The following SI variants were observed in gnomAD, a reference collection of about 807,000 sequenced individuals.
The protein encoded by SI is sucrase-isomaltase.
In SI, 235 loss-of-function variants were observed where a neutral mutation model predicts 253.3. That is an observed-to-expected ratio of 0.93 (90% CI 0.83 to 1.03). SI has a LOEUF of 1.03. Among genes scored for constraint, SI ranks in the 50% least tolerant of loss-of-function variants. SI has a pLI of 0.00. For synonymous variants in SI, 819 were observed against 712.0 expected, an observed-to-expected ratio of 1.15 and a Z score of -2.39; for missense variants, 2,442 against 2,211.1, an observed-to-expected ratio of 1.10 and a Z score of -2.09.
intron 6 of SI, 30 bp from the exon 7 acceptor site, chr3:165,065,462 C>A (rs1714194081): frequency 7.1e-6 from 3 of 422,422 alleles, no homozygotes; most frequent in Admixed American, 5.5e-5. Flanking sequence ...AAGAAATAAT[C>A]TAATATATAT....
chr3:165,004,881 G>A (rs1718427771), intron 37 of SI, among the ~76,000 whole-genome samples: 1 of 152,112 alleles, frequency 6.6e-6, no homozygotes, highest in African/African-American at 2.4e-5. Context: ...ATCAGGGATT[G>A]CAATCCCCAC....
the SI span, among the ~76,000 whole-genome samples, chr3:165,089,340 A>G: frequency 6.6e-6 from 1 of 152,098 alleles, no homozygotes; most frequent in African/African-American, 2.4e-5. Context: ...AGAAGACACG[A>G]CCCAAATGCC....
chr3:165,090,221 A>AAGTCTGC, the SI span, among the ~76,000 whole-genome samples: 1 of 151,928 alleles, frequency 6.6e-6, no homozygotes, highest in East Asian at 1.9e-4. Flanking sequence ...ATACAATCTG[A>AAGTCTGC]AGTCTGCAGT....
In SI at chr3:165,049,152, A is replaced by G. The variant is rs749747592; in HGVS notation, c.1690T>C (p.Tyr564His). Residue 564 changes from tyrosine to histidine, a missense_variant, in exon 15 of 48, where the codon TAC (tyrosine) becomes CAC (histidine). Physicochemically the swap from Tyr to His is moderately conservative, Grantham distance 83. Coordinates refer to ENST00000264382, the MANE Select transcript of SI (RefSeq NM_001041.4). ...TGCTCTGTGGCTATAGCCATGCTGT[A>G]TCCATAGAGGCTATGAACATCATAC... ...KQYDVHSLYG[Y>H]SMAIATEQAV... 1 of 1,601,262 alleles carries G rather than the reference A, an allele frequency of 6.2e-7. No homozygotes were observed. The highest frequency in any genetic ancestry group is 8.6e-7 in the Non-Finnish European group (1 of 1,168,532).
the SI span, among the ~76,000 whole-genome samples, chr3:165,089,086 T>C: frequency 1.2e-4 from 3 of 24,702 alleles, no homozygotes; most frequent in Non-Finnish European, 1.8e-4. Context: ...TTTTCTTTTT[T>C]CTTTTTTTTT....
At chr3:165,087,737 C>T in the SI span, among the ~76,000 whole-genome samples, 1 of 152,134 alleles carries the variant, frequency 6.6e-6, no homozygotes, top group East Asian at 1.9e-4. Flanking sequence ...ATTTTGCTAT[C>T]AGATTTATAT....
chr3:165,015,073 T>A, intron 33 of SI, 50 bp downstream of exon 33: 7 of 1,395,908 alleles, frequency 5.0e-6, no homozygotes, highest in Non-Finnish European at 7.1e-6. Flanking sequence ...GAAACTTTCA[T>A]TGAAATATAA....
intron 45 of SI, among the ~76,000 whole-genome samples, chr3:164,986,122 T>C (rs568191322): frequency 9.3e-4 from 142 of 152,262 alleles, no homozygotes; most frequent in African/African-American, 3.3e-3. Context: ...ACCTCCTTGT[T>C]GTAGAGGCAC....
intron 6 of SI, among the ~76,000 whole-genome samples, chr3:165,067,038 T>C (rs1714280452): frequency 6.6e-6 from 1 of 151,828 alleles, no homozygotes; most frequent in Non-Finnish European, 1.5e-5. Context: ...ATACGATAAA[T>C]ATAAGGGGGA....
At chr3:165,059,136 TA>T (rs2108248627) in intron 11 of SI, 31 bp downstream of exon 11, 2 of 1,611,552 alleles carry the variant, frequency 1.2e-6, no homozygotes, top group African/African-American at 1.3e-5. Flanking sequence ...GTGTAAACAC[TA>T]AAAATGTATT....
rs568954190 is a variant in SI, at chr3:165,048,831, G to A, written c.1715+296C>T. Among the ~76,000 whole-genome samples the A allele has an allele frequency of 9.2e-5, 14 of 151,938 alleles. No individual in the cohort carries two copies. In the East Asian group the frequency reaches 2.5e-3, roughly 27 times the overall value. ...TGGGTTTCGCCATGTTGGCCAGGCT[G>A]GTCTCAGACTCCTGACTTCAGGTGT... On this transcript the variant is annotated intron_variant, in intron 15 of 47. Transcript: ENST00000264382.
intron 16 of SI, among the ~76,000 whole-genome samples, chr3:165,045,780 GT>G (rs56082194): frequency 0.016 from 2,213 of 134,620 alleles, 47 homozygotes; most frequent in African/African-American, 0.051. Context: ...TTCTTAGGTT[GT>G]TTTTTTTTTT....
intron 3 of SI, among the ~76,000 whole-genome samples, chr3:165,074,006 T>TG (rs1483052326): frequency 2.0e-5 from 3 of 151,954 alleles, no homozygotes; most frequent in Non-Finnish European, 4.4e-5. Flanking sequence ...CACAGGTTTG[T>TG]GGGGAAAAAA....
At chr3:164,989,959 G>A (rs1717652527) in intron 44 of SI, among the ~76,000 whole-genome samples, 1 of 152,154 alleles carries the variant, frequency 6.6e-6, no homozygotes, top group East Asian at 1.9e-4. Context: ...AGGATGTTTA[G>A]GTCAGTAAAA....
Position 165,046,824 on chromosome 3 carries a change from C to T in SI, c.1887+17G>A. 1.3e-6 allele frequency: 2 copies of T among 1,594,530 alleles called. No homozygotes were observed. The highest frequency in any genetic ancestry group is 8.6e-7 in the Non-Finnish European group (1 of 1,162,748). On this transcript the variant is annotated intron_variant, in intron 16 of 47. Transcript: ENST00000264382. Reference sequence around the variant, plus strand: ...AATTGTAGCTTTTATGAGTAACACTCTATGAAACTGTCTTACCAAAGGTAT... The same window carrying T: ...AATTGTAGCTTTTATGAGTAACACTTTATGAAACTGTCTTACCAAAGGTAT...
intron 25 of SI, among the ~76,000 whole-genome samples, chr3:165,027,396 A>G (rs577579660): frequency 6.6e-6 from 1 of 151,372 alleles, no homozygotes; most frequent in South Asian, 2.1e-4. Flanking sequence ...ATTGGTACCA[A>G]TCTATTGACG....
At chr3:165,022,842 C>A (rs1032586630) in intron 26 of SI, among the ~76,000 whole-genome samples, 1 of 151,552 alleles carries the variant, frequency 6.6e-6, no homozygotes, top group Non-Finnish European at 1.5e-5. Flanking sequence ...TTAAAAGCAG[C>A]GACTGAGCTA....
Position 165,069,167 on chromosome 3 carries a change from C to T in SI, c.284G>A (p.Trp95Ter). The change falls in exon 4 of 48, where the codon TGG (tryptophan) becomes TAG (stop). Residue 95 changes from tryptophan (W) to a stop codon, truncating the protein, a stop_gained. Transcript: ENST00000264382. LOFTEE classifies it high-confidence loss of function. Reference sequence around the variant, plus strand: ...AATAAGAGAGTCATTCCACGGCCTCCAGCAGCAGCCTCTCTGTGCACAAAT... The same window carrying T: ...AATAAGAGAGTCATTCCACGGCCTCTAGCAGCAGCCTCTCTGTGCACAAAT... The part of the protein sequence containing the change: ...EGICAQRGCC[W>*]RPWNDSLIPW... 6.2e-7 allele frequency: 1 copy of T among 1,612,796 alleles called. No individual in the cohort carries two copies. Among genetic ancestry groups the T allele is most frequent in the Non-Finnish European group, 8.5e-7 (1 of 1,179,162 alleles).
At chr3:165,032,444 G>C (rs1489982586) in intron 24 of SI, 78 bp downstream of exon 24, 1 of 947,772 alleles carries the variant, frequency 1.1e-6, no homozygotes, top group Non-Finnish European at 1.6e-6. Flanking sequence ...GGAGAAATAG[G>C]ATAAGTGCCT....
Sources: allele counts gnomAD v4.1 joint callset (sites outside exome capture counted in the v4.1 genomes callset), GRCh38; gene constraint gnomAD v4.1.1; transcripts MANE v1.5; gene names NCBI Gene and HGNC (gene_info 2026-07-23, HGNC 2026-07-21).